SYN3: variants seen among roughly 807,000 people sequenced by gnomAD.
SYN3 encodes the protein synapsin-3.
In SYN3, 35 loss-of-function variants were observed where a neutral mutation model predicts 65.8. The observed-to-expected ratio is 0.53, with a 90% CI of 0.41 to 0.70. The LOEUF (loss-of-function observed/expected upper bound fraction) is 0.70, where lower values mean the gene tolerates loss of function less well. Among genes scored for constraint, SYN3 ranks in the 30% least tolerant of loss-of-function variants. The probability of loss-of-function intolerance (pLI) is 0.00; values close to 1 mark genes in which losing one functional copy is unlikely to be tolerated. For synonymous variants in SYN3, 270 were observed against 292.9 expected, an observed-to-expected ratio of 0.92 and a Z score of 0.80; for missense variants, 680 against 749.0, an observed-to-expected ratio of 0.91 and a Z score of 1.08.
intron 6 of SYN3, among the ~76,000 whole-genome samples, chr22:32,660,766 G>A (rs1179865795): frequency 1.3e-5 from 2 of 152,164 alleles, no homozygotes; most frequent in African/African-American, 4.8e-5. Flanking sequence ...TGGTGCCTAC[G>A]CAGAGTCTGG....
intron 6 of SYN3, chr22:32,861,519 C>T (rs1014612107): frequency 6.6e-6 from 1 of 152,362 alleles, no homozygotes; most frequent in Non-Finnish European, 1.5e-5. Context: ...CAAGTTCCCT[C>T]CCACAAGTGG....
At chr22:32,955,691 G>A (rs1217717310) in intron 3 of SYN3, among the ~76,000 whole-genome samples, 1 of 152,106 alleles carries the variant, frequency 6.6e-6, no homozygotes, top group African/African-American at 2.4e-5. Context: ...AACTTGATGG[G>A]ATTGAAGAAT....
chr22:32,607,058 T>C (rs978567865), intron 6 of SYN3, among the ~76,000 whole-genome samples: 1 of 147,136 alleles, frequency 6.8e-6, no homozygotes. Context: ...CCCCTTCCTG[T>C]GTCCATGTCT....
chr22:32,516,012 A>C (rs1337395725), intron 13 of SYN3, among the ~76,000 whole-genome samples: 1 of 152,074 alleles, frequency 6.6e-6, no homozygotes, highest in Non-Finnish European at 1.5e-5. Flanking sequence ...GTTAGCCAGG[A>C]TGGTCTCGAT....
rs182702692 is a variant in SYN3, at chr22:33,006,731, G to A, written c.-69C>T. The A allele has an allele frequency of 7.3e-5, 107 of 1,472,482 alleles. No homozygotes were observed. The East Asian group carries it at 2.4e-3, about 32-fold the overall frequency. 91.2% of individuals were successfully genotyped at this position (1,472,482 alleles called of 1,614,324 possible). A position where few individuals can be genotyped will look rare whatever the true frequency, so the allele number is the denominator to read the frequency against. On this transcript the variant is annotated 5_prime_UTR_variant, in exon 2 of 14. Transcript: ENST00000358763. ...GTAGGTGAGGCCCAGAAGACAGGCT[G>A]CTGCCAGGTACAGGGAGTGGTAGGA...
At chr22:32,658,578 AG>A (rs2146988508) in intron 6 of SYN3, among the ~76,000 whole-genome samples, 1 of 152,354 alleles carries the variant, frequency 6.6e-6, no homozygotes, top group Admixed American at 6.5e-5. Flanking sequence ...ATGACTGTGG[AG>A]TCGCCCATCC....
Position 32,801,325 on chromosome 22 carries a change from G to T in SYN3, c.711+63590C>A, listed in dbSNP as rs1317751293. Among the ~76,000 whole-genome samples, 2 of 152,210 alleles carry T rather than the reference G, an allele frequency of 1.3e-5. No individual in the cohort carries two copies. The highest frequency in any genetic ancestry group is 2.4e-5 in the African/African-American group (1 of 41,466). On this transcript the variant is annotated intron_variant, in intron 6 of 13. Coordinates refer to ENST00000358763, the MANE Select transcript of SYN3 (RefSeq NM_003490.4). The surrounding 1 kb of genome is among the most constrained non-coding windows in gnomAD (Gnocchi z 4.7). ...ATGGCCACCCCTCACCTGTGGAAGC[G>T]GTCCTGCTGGGGTGGGTGGGTGTTA...
At chr22:32,612,912 A>AT (rs549150412) in intron 6 of SYN3, among the ~76,000 whole-genome samples, 68 of 152,286 alleles carry the variant, frequency 4.5e-4, no homozygotes, top group African/African-American at 1.5e-3. Flanking sequence ...GTTGAATTAT[A>AT]TTTCCCAATG....
chr22:32,726,485 A>C (rs534192949), intron 6 of SYN3, among the ~76,000 whole-genome samples: 1 of 152,270 alleles, frequency 6.6e-6, no homozygotes, highest in South Asian at 2.1e-4. Context: ...TCCGAACTCT[A>C]TATCCATATG....
chr22:32,526,459 GGA>G (rs2057977971), intron 12 of SYN3, among the ~76,000 whole-genome samples: 1 of 151,874 alleles, frequency 6.6e-6, no homozygotes, highest in South Asian at 2.1e-4. Context: ...ATAGTGACTG[GGA>G]AGGCCACAAC....
At position 32,849,376 on chromosome 22, in the gene SYN3, G is replaced by A. The variant is rs556258361; in HGVS notation, c.711+15539C>T. The A allele has an allele frequency of 1.6e-4, 209 of 1,299,646 alleles. 5 individuals are homozygous for A. The South Asian group carries it at 2.4e-3, about 15-fold the overall frequency. The allele number at this position is 1,299,646 out of a possible 1,614,324, so 80.5% of individuals were successfully genotyped here. ...AATTCCAGGCTCCACAGAGGCTAGC[G>A]TGCCCGCCCTGAGATGCTGTTCCTG... On this transcript the variant is annotated intron_variant, in intron 6 of 13. Transcript: ENST00000358763.
chr22:32,964,659 A>G (rs977799017), intron 3 of SYN3, among the ~76,000 whole-genome samples: 1 of 152,186 alleles, frequency 6.6e-6, no homozygotes, highest in Non-Finnish European at 1.5e-5. Context: ...CTGAATAATA[A>G]TGAGCCTTAC....
rs540343928 is a variant in SYN3 at position 32,513,896 on chromosome 22, G to T, written c.1611-72C>A. 264 of 1,583,318 alleles carry T rather than the reference G, an allele frequency of 1.7e-4. 1 individual carries two copies. The highest frequency in any genetic ancestry group is 1.7e-4 in the Middle Eastern group (1 of 5,944). ...TCAAAGAAATGGGTCTTGGGGGCTT[G>T]CCTGTAAGCCAGATGGGCTACCCCA... is the stretch of plus-strand genomic sequence containing the variant. On this transcript the variant is annotated intron_variant, in intron 13 of 13. Coordinates refer to ENST00000358763, the MANE Select transcript of SYN3 (RefSeq NM_003490.4).
At position 32,508,476 on chromosome 22, in the gene SYN3, T is replaced by C. The variant is rs1235418159; in HGVS notation, c.*5216A>G. On this transcript the variant is annotated 3_prime_UTR_variant, in exon 14 of 14. Coordinates refer to ENST00000358763, the MANE Select transcript of SYN3 (RefSeq NM_003490.4). ...TGTTGCTCACACAAAGCCTGTTTAG[T>C]GGTCTCTTCACACAGACGCGCATGA... Among the ~76,000 whole-genome samples the C allele has an allele frequency of 6.6e-6, 1 of 152,194 alleles. No homozygotes were observed. Among genetic ancestry groups the C allele is most frequent in the East Asian group, 1.9e-4 (1 of 5,190 alleles).
rs370151099 is a variant in SYN3, at chr22:33,052,792, C to A, written c.-163+5500G>T. ...AAAATTCTGCTTCTAGGTGCTTAAC[C>A]CTTTCATGCTCATCAGAGCAAAGAG... is the stretch of plus-strand genomic sequence containing the variant. On this transcript the variant is annotated intron_variant, in intron 1 of 13. Coordinates refer to ENST00000358763, the MANE Select transcript of SYN3 (RefSeq NM_003490.4). 2.0e-4 allele frequency among the ~76,000 whole-genome samples: 31 copies of A among 152,288 alleles called. 1 individual carries two copies. In the South Asian group the frequency reaches 6.2e-3, roughly 31 times the overall value.
chr22:32,559,783 T>C (rs569987346), intron 7 of SYN3, among the ~76,000 whole-genome samples: 99 of 146,340 alleles, frequency 6.8e-4, no homozygotes, highest in Admixed American at 1.1e-3. Context: ...TGTGCCCAGA[T>C]AGCGCCACTG....
chr22:32,584,532 A>G (rs1385087223), intron 7 of SYN3, among the ~76,000 whole-genome samples: 1 of 152,230 alleles, frequency 6.6e-6, no homozygotes, highest in African/African-American at 2.4e-5. Context: ...GAGAAAAGAA[A>G]AAAGGAAATC....
intron 6 of SYN3, among the ~76,000 whole-genome samples, chr22:32,741,979 A>C (rs1262547967): frequency 1.3e-5 from 2 of 152,174 alleles, no homozygotes; most frequent in Non-Finnish European, 2.9e-5. Flanking sequence ...AGGAAGTTAA[A>C]GCACCAAGCC....
At chr22:32,601,343 T>A (rs542278049) in intron 6 of SYN3, among the ~76,000 whole-genome samples, 25 of 152,016 alleles carry the variant, frequency 1.6e-4, no homozygotes, top group Middle Eastern at 6.8e-3. Context: ...AGTGGTGCGA[T>A]CTCAGCTCAC....
Sources: gnomAD v4.1 joint callset for allele counts (sites outside exome capture counted in the v4.1 genomes callset) on GRCh38, gnomAD v4.1.1 for gene constraint, Gnocchi (gnomAD v3.1) non-coding constraint, MANE v1.5 for transcripts, NCBI Gene and HGNC (gene_info 2026-07-23, HGNC 2026-07-21) for gene names.